The following PARG variants were observed in gnomAD, a reference collection of about 807,000 sequenced individuals.
The protein encoded by PARG is poly(ADP-ribose) glycohydrolase.
Under a neutral mutation model 113.0 loss-of-function variants are expected in PARG, and 35 were observed. That is an observed-to-expected ratio of 0.31 (90% confidence interval 0.24 to 0.41). The LOEUF (loss-of-function observed/expected upper bound fraction) is 0.41, where lower values mean the gene tolerates loss of function less well. Among genes scored for constraint, PARG ranks in the 10% least tolerant of loss-of-function variants. The probability of loss-of-function intolerance (pLI) is 1.00; values close to 1 mark genes in which losing one functional copy is unlikely to be tolerated. For synonymous variants in PARG, 330 were observed against 409.9 expected, an observed-to-expected ratio of 0.81 and a Z score of 2.36; for missense variants, 797 against 1,169.4, an observed-to-expected ratio of 0.68 and a Z score of 4.64.
At chr10:49,912,748 TG>T (rs1212598713) in intron 7 of PARG, among the ~76,000 whole-genome samples, 1 of 152,130 alleles carries the variant, frequency 6.6e-6, no homozygotes, top group Non-Finnish European at 1.5e-5. Flanking sequence ...GAAGATTGCT[TG>T]AGCCCAAGAG....
chr10:49,847,648 G>A (rs1429259932), intron 13 of PARG, among the ~76,000 whole-genome samples: 1 of 149,616 alleles, frequency 6.7e-6, no homozygotes, highest in Non-Finnish European at 1.5e-5. Flanking sequence ...TTGAAGACTG[G>A]AAAGAAAGCT....
At chr10:49,869,691 G>A (rs1438757767) in intron 9 of PARG, 136 bp from the exon 10 acceptor site, 8 of 563,482 alleles carry the variant, frequency 1.4e-5, no homozygotes, top group Non-Finnish European at 2.6e-5. Context: ...GATAAGAACT[G>A]GAAAATTGGT....
intron 11 of PARG, among the ~76,000 whole-genome samples, chr10:49,864,881 A>C (rs1216178041): frequency 7.0e-6 from 1 of 141,996 alleles, no homozygotes; most frequent in African/African-American, 2.6e-5. Context: ...CACTCGACGA[A>C]CTCTAGATGG....
At chr10:49,883,374 T>C (rs1847305711) in intron 8 of PARG, among the ~76,000 whole-genome samples, 3 of 150,696 alleles carry the variant, frequency 2.0e-5, no homozygotes, top group Admixed American at 6.6e-5. Flanking sequence ...GCAAGAGGCG[T>C]TGGCCCTAGA....
At chr10:49,836,423 G>C (rs994319775) in intron 15 of PARG, among the ~76,000 whole-genome samples, 2 of 144,426 alleles carry the variant, frequency 1.4e-5, no homozygotes, top group Non-Finnish European at 3.0e-5. Context: ...TCGGCCTCTC[G>C]AGTAGCTGAG....
intron 7 of PARG, among the ~76,000 whole-genome samples, chr10:49,893,279 A>G (rs1554841963): frequency 6.6e-6 from 1 of 152,200 alleles, no homozygotes; most frequent in Admixed American, 6.5e-5. Flanking sequence ...GCAGGCTAAT[A>G]TCTTATTCTA....
At chr10:49,828,044 G>GC (rs1844445415) in intron 16 of PARG, among the ~76,000 whole-genome samples, 1 of 114,058 alleles carries the variant, frequency 8.8e-6, no homozygotes, top group Admixed American at 1.3e-4. Flanking sequence ...TGAGGCAGAA[G>GC]CCCCCCACGC....
intron 12 of PARG, among the ~76,000 whole-genome samples, chr10:49,858,370 C>CACA (rs1554835415): frequency 7.4e-6 from 1 of 135,328 alleles, no homozygotes; most frequent in Non-Finnish European, 1.6e-5. Flanking sequence ...CACACACACA[C>CACA]AACTTGTGTA....
At chr10:49,894,142 T>G (rs2132703994) in intron 7 of PARG, among the ~76,000 whole-genome samples, 1 of 150,540 alleles carries the variant, frequency 6.6e-6, no homozygotes, top group Admixed American at 6.6e-5. Context: ...CAAGAGATCC[T>G]TCCACCTCAG....
At chr10:49,915,815 A>G in intron 7 of PARG, 102 bp downstream of exon 7, 1 of 663,318 alleles carries the variant, frequency 1.5e-6, no homozygotes, top group Non-Finnish European at 2.7e-6. Context: ...TTATAAAACT[A>G]AAAGATAATT....
chr10:49,893,129 T>C (rs868963749), intron 7 of PARG, among the ~76,000 whole-genome samples: 22 of 21,050 alleles, frequency 1.0e-3, no homozygotes, highest in Admixed American at 2.8e-3. Flanking sequence ...ATAGGGTAAG[T>C]ATATGTTCAG....
At chr10:49,939,400 C>A in intron 1 of PARG, among the ~76,000 whole-genome samples, 1 of 152,330 alleles carries the variant, frequency 6.6e-6, no homozygotes, top group East Asian at 1.9e-4. Context: ...GAATGCATCA[C>A]ACATAGTAAG....
chr10:49,822,600 G>A (rs1844157358), intron 16 of PARG, among the ~76,000 whole-genome samples: 1 of 152,168 alleles, frequency 6.6e-6, no homozygotes, highest in African/African-American at 2.4e-5. Flanking sequence ...CAACCACTGT[G>A]GTAAAGGTCA....
At chr10:49,937,199 G>A (rs1405675757) in intron 1 of PARG, among the ~76,000 whole-genome samples, 26 of 152,316 alleles carry the variant, frequency 1.7e-4, no homozygotes, top group Middle Eastern at 6.8e-3. Flanking sequence ...AAATTGGGCC[G>A]GGCGCAGTGG....
intron 6 of PARG, among the ~76,000 whole-genome samples, chr10:49,920,531 TATATATATACAC>T (rs1383649184): frequency 3.5e-5 from 5 of 141,194 alleles, no homozygotes; most frequent in African/African-American, 1.3e-4. Flanking sequence ...TATATACATG[TATATATATACAC>T]ATATATATAC....
intron 13 of PARG, among the ~76,000 whole-genome samples, chr10:49,844,119 T>C (rs1845383085): frequency 6.6e-6 from 1 of 150,838 alleles, no homozygotes; most frequent in Non-Finnish European, 1.5e-5. Context: ...CACTCCAGCA[T>C]GGGAGACAGA....
chr10:49,918,564 ACATT>A (rs368490309), intron 6 of PARG, among the ~76,000 whole-genome samples: 231 of 152,338 alleles, frequency 1.5e-3, no homozygotes, highest in South Asian at 6.2e-3. Context: ...ATTATCACAC[ACATT>A]ATTTATATAA....
At chr10:49,934,279 G>T (rs1167026208) in intron 2 of PARG, 116 bp from the exon 3 acceptor site, 15 of 627,368 alleles carry the variant, frequency 2.4e-5, no homozygotes, top group Non-Finnish European at 4.0e-5. Context: ...TGAGCACACA[G>T]CATGTCTTCT....
At chr10:49,907,557 T>C (rs1362612081) in intron 7 of PARG, among the ~76,000 whole-genome samples, 1 of 152,218 alleles carries the variant, frequency 6.6e-6, no homozygotes, top group Non-Finnish European at 1.5e-5. Flanking sequence ...GTTCTGTTTT[T>C]ATTTACTCAT....
Sources: allele counts gnomAD v4.1 joint callset (sites outside exome capture counted in the v4.1 genomes callset), GRCh38; gene constraint gnomAD v4.1.1; transcripts MANE v1.5; gene names NCBI Gene and HGNC (gene_info 2026-07-23, HGNC 2026-07-21).